The following NLRC3 variants were observed in gnomAD, a reference collection of about 807,000 sequenced individuals.
NLRC3 encodes NLR family CARD domain containing 3.
A neutral mutation model predicts 91.6 loss-of-function variants in NLRC3; 87 were observed. The ratio of observed to expected loss-of-function variants is 0.95; its 90% CI spans 0.80 to 1.14. The LOEUF is 1.14. NLRC3 is among the 50% of genes most tolerant of loss of function. The pLI is 0.00. For missense variants in NLRC3, 1,577 were observed against 1,418.6 expected (o/e 1.11, Z -1.79); for synonymous variants, 694 against 625.3 (o/e 1.11, Z -1.64).
At position 3,543,398 on chromosome 16, in the gene NLRC3, A is replaced by T. The variant is rs765333075; in HGVS notation, c.2939+27T>A. On this transcript the variant is annotated intron_variant, in intron 17 of 19. Coordinates refer to ENST00000359128, the MANE Select transcript of NLRC3 (RefSeq NM_178844.4). ...ATTCATTGATTTCTTTGGGCTAAAG[A>T]CCATAGATGGAGACTGGAATACTTA... 6.6e-6 allele frequency: 10 copies of T among 1,508,236 alleles called. No individual in the cohort carries two copies. In the East Asian group the frequency reaches 1.8e-4, roughly 27 times the overall value. 93.4% of individuals were successfully genotyped at this position (1,508,236 alleles called of 1,614,324 possible).
intron 1 of NLRC3, among the ~76,000 whole-genome samples, chr16:3,568,700 C>T (rs2039977463): frequency 6.6e-6 from 1 of 152,096 alleles, no homozygotes. Flanking sequence ...GCACTCCAGC[C>T]TGGGCAACAG....
chr16:3,541,943 C>T (rs898240596), intron 19 of NLRC3, 28 bp from the exon 20 acceptor site: 2 of 1,355,882 alleles, frequency 1.5e-6, no homozygotes, highest in Middle Eastern at 1.8e-4. Flanking sequence ...AGGCAGGGCT[C>T]AAAGCCTGCA....
chr16:3,547,233 G>C (rs1378964716), intron 15 of NLRC3, among the ~76,000 whole-genome samples: 11 of 152,194 alleles, frequency 7.2e-5, no homozygotes. Flanking sequence ...TAAGTATTGA[G>C]ACAGGCTACA....
Position 3,542,197 on chromosome 16 carries a change from T to A in NLRC3, c.3101A>T (p.His1034Leu). 2 of 1,579,982 alleles carry A rather than the reference T, an allele frequency of 1.3e-6. No individual in the cohort carries two copies. Among genetic ancestry groups the A allele is most frequent in the Non-Finnish European group, 1.7e-6 (2 of 1,160,948 alleles). ...GAAGGGCAGGTGCACTCACTTGATATGCTGGAGCCTGTGGTTTCCAGACAG... is the reference window on the plus strand; with the variant it reads ...GAAGGGCAGGTGCACTCACTTGATAAGCTGGAGCCTGTGGTTTCCAGACAG... ...TALSGNHRLQHINLQGNHIGD... is the reference protein window; with the variant it reads ...TALSGNHRLQLINLQGNHIGD... The change falls in exon 19 of 20, where the codon CAT becomes CTT. Residue 1034 changes from histidine (H) to leucine (L), a missense_variant. His to Leu is a moderately conservative substitution (Grantham distance 99, BLOSUM62 -3). Transcript: ENST00000359128.
intron 13 of NLRC3, 120 bp downstream of exon 13, chr16:3,549,022 C>T (rs2038851996): frequency 1.2e-6 from 1 of 808,322 alleles, no homozygotes. Flanking sequence ...TGGCTGCACC[C>T]TCCCCAGCCA....
chr16:3,564,196 G>A lies in NLRC3; in HGVS notation c.741C>T (p.His247=), dbSNP rs1410270832. The A allele has an allele frequency of 6.2e-7, 1 of 1,613,546 alleles. No individual in the cohort carries two copies. The highest frequency in any genetic ancestry group is 8.5e-7 in the Non-Finnish European group (1 of 1,179,890). ...TGCCACGGATGATGTTGGTGATCAG[G>A]TGGTCCACCGGGATCTCCTTCTTTG... ...TDPKKEIPVD[H]LITNIIRGNL... The change falls in exon 5 of 20, where the codon CAC becomes CAT. Residue 247 remains histidine (H), a synonymous_variant. Transcript: ENST00000359128. This position sits in a 1 kb window ranked among gnomAD's most constrained non-coding sequence, Gnocchi z 5.9.
At chr16:3,542,402 C>A (rs1410895585) in intron 18 of NLRC3, 128 bp from the exon 19 acceptor site, 12 of 692,504 alleles carry the variant, frequency 1.7e-5, no homozygotes, top group South Asian at 3.2e-5. Context: ...CATGGCAACT[C>A]CAGGTGGGAG....
chr16:3,544,675 G>A (rs1030740864), intron 15 of NLRC3: 1 of 261,314 alleles, frequency 3.8e-6, no homozygotes, highest in African/African-American at 2.2e-5. Flanking sequence ...ATTCTTGTTT[G>A]TCTTGTTTTC....
At chr16:3,576,155 C>T (rs1202495811) in intron 1 of NLRC3, among the ~76,000 whole-genome samples, 1 of 152,190 alleles carries the variant, frequency 6.6e-6, no homozygotes, top group Admixed American at 6.5e-5. Context: ...GCCCCAGGCT[C>T]AGGGTCACCT....
rs200733386 is a variant in NLRC3 at position 3,572,303 on chromosome 16, A to AT, written c.-169+4845dup. Among the ~76,000 whole-genome samples, 1,196 of 146,072 alleles carry AT rather than the reference A, an allele frequency of 8.2e-3. 18 individuals are homozygous for AT. Among genetic ancestry groups the AT allele is most frequent in the East Asian group, 0.069 (347 of 5,052 alleles). On this transcript the variant is annotated intron_variant, in intron 1 of 19. Coordinates refer to ENST00000359128, the MANE Select transcript of NLRC3 (RefSeq NM_178844.4). ...GGTGAGAACATGGAGGTAGTGGGAAATTTTTTTTTTTTTTGAGACAGGATC... is the reference window on the plus strand; with the variant it reads ...GGTGAGAACATGGAGGTAGTGGGAAATTTTTTTTTTTTTTTGAGACAGGATC...
At chr16:3,544,625 C>A in intron 15 of NLRC3, 1 of 367,754 alleles carries the variant, frequency 2.7e-6, no homozygotes, top group Non-Finnish European at 5.0e-6. Context: ...CTTTTCACAG[C>A]CAACCAGAAA....
intron 1 of NLRC3, among the ~76,000 whole-genome samples, chr16:3,575,156 C>T (rs1317001960): frequency 3.3e-5 from 5 of 152,142 alleles, no homozygotes; most frequent in Admixed American, 6.5e-5. Context: ...CGAAACGTGG[C>T]TTTCATCCTG....
intron 2 of NLRC3, among the ~76,000 whole-genome samples, chr16:3,566,650 G>A (rs1357353017): frequency 2.0e-5 from 3 of 152,072 alleles, no homozygotes; most frequent in East Asian, 3.9e-4. Flanking sequence ...ACTTGAACCC[G>A]GGAGGCAGAG....
rs781285022 is a variant in NLRC3 at position 3,563,490 on chromosome 16, C to T, written c.1447G>A (p.Gly483Ser). 26 of 1,592,900 alleles carry T rather than the reference C, an allele frequency of 1.6e-5. No individual in the cohort carries two copies. The highest frequency in any genetic ancestry group is 1.1e-4 in the East Asian group (5 of 43,688). ...AAGCCCAGCCTGGGCCAGGATACGC[C>T]GCTCTCAGTGAAGAGGTCGAAGATG... ...RAIFDLFTES[G>S]VSWPRLGFLT... The change falls in exon 5 of 20, where the codon GGC becomes AGC. Residue 483 changes from glycine to serine, a missense_variant. Physicochemically the swap from Gly to Ser is moderately conservative, Grantham distance 56 (BLOSUM62 0). Coordinates refer to ENST00000359128, the MANE Select transcript of NLRC3 (RefSeq NM_178844.4).
chr16:3,576,731 C>T (rs1056407663), intron 1 of NLRC3, among the ~76,000 whole-genome samples: 3 of 152,142 alleles, frequency 2.0e-5, no homozygotes, highest in Non-Finnish European at 2.9e-5. Flanking sequence ...GGCTCGATCT[C>T]GGCTCACTGC....
chr16:3,544,419 C>T (rs1567459505), intron 15 of NLRC3, 90 bp from the exon 16 acceptor site: 12 of 834,472 alleles, frequency 1.4e-5, no homozygotes, highest in Middle Eastern at 2.3e-4. Context: ...CAGGTTTAAC[C>T]GACTACACAC....
intron 1 of NLRC3, among the ~76,000 whole-genome samples, chr16:3,576,445 G>A (rs999969568): frequency 6.6e-6 from 1 of 152,190 alleles, no homozygotes; most frequent in African/African-American, 2.4e-5. Flanking sequence ...CTGAGGCCCA[G>A]AGAAGTAGCC....
rs758978236 is a variant in NLRC3, at chr16:3,544,302, G to T, written c.2799C>A (p.Asp933Glu). The T allele has an allele frequency of 6.2e-7, 1 of 1,613,224 alleles. No homozygotes were observed. Among genetic ancestry groups the T allele is most frequent in the Non-Finnish European group, 8.5e-7 (1 of 1,179,284 alleles). The change falls in exon 16 of 20, where the codon GAC (aspartate) becomes GAA (glutamate). Residue 933 changes from aspartate to glutamate, a missense_variant. Transcript: ENST00000359128. ...GTGCACGGGCCACCGCACACGCTCC[G>T]TCATCCCCGATGGCGTTCTCCTGTA... is the stretch of plus-strand genomic sequence containing the variant. ...LDLQENAIGDDGACAVARALK... is the reference protein window; with the variant it reads ...LDLQENAIGDEGACAVARALK...
intron 1 of NLRC3, among the ~76,000 whole-genome samples, chr16:3,570,719 C>T (rs1340308288): frequency 6.6e-6 from 1 of 152,134 alleles, no homozygotes; most frequent in Non-Finnish European, 1.5e-5. Flanking sequence ...GCCAAGGAAA[C>T]AGCAAGTGCT....
Sources: allele counts gnomAD v4.1 joint callset (sites outside exome capture counted in the v4.1 genomes callset), GRCh38; gene constraint gnomAD v4.1.1; non-coding constraint Gnocchi (gnomAD v3.1); transcripts MANE v1.5; gene names NCBI Gene and HGNC (gene_info 2026-07-23, HGNC 2026-07-21).